PCP4: variants seen among roughly 807,000 people sequenced by gnomAD.
PCP4 encodes the protein calmodulin regulator protein PCP4.
In PCP4, 8 loss-of-function variants were observed where a neutral mutation model predicts 10.0. The observed-to-expected ratio is 0.80, with a 90% CI of 0.47 to 1.45. PCP4 has a LOEUF of 1.45. Ranked by LOEUF, PCP4 falls within the 40% of genes most tolerant of loss-of-function variation. PCP4 has a pLI of 0.00. For missense variants in PCP4, 54 were observed against 74.4 expected, an observed-to-expected ratio of 0.73 and a Z score of 1.01; for synonymous variants, 21 against 23.0, an observed-to-expected ratio of 0.91 and a Z score of 0.24.
At position 39,867,474 on chromosome 21, in the gene PCP4, G is replaced by A; in HGVS notation, c.-28G>A. 6.2e-7 allele frequency: 1 copy of A among 1,613,954 alleles called. No homozygotes were observed. Among genetic ancestry groups the A allele is most frequent in the Non-Finnish European group, 8.5e-7 (1 of 1,179,830 alleles). On this transcript the variant is annotated 5_prime_UTR_variant, in exon 1 of 3. Transcript: ENST00000328619. ...AGCAGTGTTCTCTGTGCTGAGCGGC[G>A]GGACTGAGCTGTTGAGTTAGAGCCA...
intron 1 of PCP4, among the ~76,000 whole-genome samples, chr21:39,881,327 A>G (rs2087374568): frequency 1.3e-5 from 2 of 152,210 alleles, no homozygotes; most frequent in African/African-American, 4.8e-5. Flanking sequence ...CATGTTTGGC[A>G]GCACACAGGG....
rs144328610 is a variant in PCP4 at position 39,881,738 on chromosome 21, C to T, written c.9+14228C>T. 1.3e-3 allele frequency among the ~76,000 whole-genome samples: 191 copies of T among 152,246 alleles called. 2 individuals are homozygous for T. Among genetic ancestry groups the T allele is most frequent in the African/African-American group, 4.1e-3 (171 of 41,542 alleles). On this transcript the variant is annotated intron_variant, in intron 1 of 2. Coordinates refer to ENST00000328619, the MANE Select transcript of PCP4 (RefSeq NM_006198.3). ...TAAGAGAGGGCAGGAAACGTGATTC[C>T]GACTCTGCACCCAGATGGACTGAGG...
intron 2 of PCP4, among the ~76,000 whole-genome samples, chr21:39,909,667 C>T (rs916096180): frequency 3.9e-5 from 6 of 152,086 alleles, no homozygotes; most frequent in Non-Finnish European, 7.4e-5. Flanking sequence ...AAGTCAGCGA[C>T]GTGGCCTCCA....
chr21:39,911,161 AG>A (rs1324765452), intron 2 of PCP4, among the ~76,000 whole-genome samples: 1 of 152,026 alleles, frequency 6.6e-6, no homozygotes, highest in Admixed American at 6.6e-5. Flanking sequence ...GAGGCAGTGG[AG>A]GGGAAAGTAA....
At chr21:39,912,585 A>G (rs995291131) in intron 2 of PCP4, among the ~76,000 whole-genome samples, 2 of 152,132 alleles carry the variant, frequency 1.3e-5, no homozygotes, top group Non-Finnish European at 2.9e-5. Flanking sequence ...CTAGGTGTTC[A>G]TCTACCTGAA....
intron 2 of PCP4, among the ~76,000 whole-genome samples, chr21:39,899,717 C>A (rs1233578764): frequency 6.6e-6 from 1 of 152,078 alleles, no homozygotes; most frequent in Non-Finnish European, 1.5e-5. Flanking sequence ...AATGGCTCTT[C>A]CTTTGCTGCC....
intron 2 of PCP4, among the ~76,000 whole-genome samples, chr21:39,917,683 C>T (rs1010027594): frequency 2.0e-5 from 3 of 152,136 alleles, no homozygotes; most frequent in Admixed American, 6.5e-5. Flanking sequence ...TTCAAGCTGT[C>T]CTTAGTCAAG....
intron 1 of PCP4, among the ~76,000 whole-genome samples, chr21:39,867,846 G>A (rs762333953): frequency 6.6e-6 from 1 of 152,130 alleles, no homozygotes; most frequent in African/African-American, 2.4e-5. Flanking sequence ...CATGATTCCC[G>A]CGGTGATACC....
rs111710535 is a variant in PCP4 at position 39,888,429 on chromosome 21, G to T, written c.10-10047G>T. Among the ~76,000 whole-genome samples, 50 of 152,310 alleles carry T rather than the reference G, an allele frequency of 3.3e-4. 1 individual carries two copies. In the East Asian group the frequency reaches 3.9e-3, roughly 12 times the overall value. ...AAACGCTGTCACTGATGGATAAGTG[G>T]GGGGAGCGTGGCTGCTGGGTCCAGG... On this transcript the variant is annotated intron_variant, in intron 1 of 2. Transcript: ENST00000328619.
At chr21:39,895,511 G>C (rs1352482322) in intron 1 of PCP4, among the ~76,000 whole-genome samples, 1 of 152,236 alleles carries the variant, frequency 6.6e-6, no homozygotes, top group Non-Finnish European at 1.5e-5. Context: ...AGTACTGAGA[G>C]ATGCTTAAGT....
At chr21:39,922,629 G>GACC (rs2087601712) in intron 2 of PCP4, among the ~76,000 whole-genome samples, 1 of 152,174 alleles carries the variant, frequency 6.6e-6, no homozygotes, top group African/African-American at 2.4e-5. Flanking sequence ...CATTGGCAGA[G>GACC]CTCTGTGTCA....
chr21:39,911,274 A>T (rs1354813054), intron 2 of PCP4, among the ~76,000 whole-genome samples: 9 of 152,172 alleles, frequency 5.9e-5, no homozygotes, highest in Admixed American at 5.9e-4. Context: ...AAAATGGGTG[A>T]AAATGGGAAA....
chr21:39,919,826 TTG>T (rs910584266), intron 2 of PCP4, among the ~76,000 whole-genome samples: 1 of 150,014 alleles, frequency 6.7e-6, no homozygotes, highest in Non-Finnish European at 1.5e-5. Context: ...TGTGGTATGT[TTG>T]TGTGTTTTGT....
intron 2 of PCP4, among the ~76,000 whole-genome samples, chr21:39,928,635 A>C (rs2087636147): frequency 6.6e-6 from 1 of 152,202 alleles, no homozygotes; most frequent in Non-Finnish European, 1.5e-5. Context: ...ATATCTTAGC[A>C]ATATTAAATG....
At chr21:39,888,540 AGTGATAC>A (rs1258137896) in intron 1 of PCP4, among the ~76,000 whole-genome samples, 1 of 152,200 alleles carries the variant, frequency 6.6e-6, no homozygotes, top group African/African-American at 2.4e-5. Flanking sequence ...GAATTTCTCC[AGTGATAC>A]GCAGCTGGTG....
chr21:39,918,910 T>G (rs2087581643), intron 2 of PCP4, among the ~76,000 whole-genome samples: 1 of 152,196 alleles, frequency 6.6e-6, no homozygotes, highest in East Asian at 1.9e-4. Context: ...TTAAAGAGCT[T>G]ATTGTCTTTT....
At chr21:39,884,815 A>AGAGG (rs979875958) in intron 1 of PCP4, among the ~76,000 whole-genome samples, 1 of 151,418 alleles carries the variant, frequency 6.6e-6, no homozygotes, top group Non-Finnish European at 1.5e-5. Context: ...AGAGAGAGAG[A>AGAGG]GAGAGAGACA....
chr21:39,912,229 G>T (rs1048814923), intron 2 of PCP4, among the ~76,000 whole-genome samples: 4 of 151,710 alleles, frequency 2.6e-5, no homozygotes, highest in Middle Eastern at 3.2e-3. Flanking sequence ...TAAATTTTTG[G>T]TTTAGACAGA....
intron 2 of PCP4, among the ~76,000 whole-genome samples, chr21:39,924,873 G>C (rs1381182811): frequency 2.0e-5 from 3 of 152,222 alleles, no homozygotes; most frequent in Non-Finnish European, 4.4e-5. Flanking sequence ...ATTGGTGGCA[G>C]GCTCTGTTCT....
Sources: gnomAD v4.1 joint callset for allele counts (sites outside exome capture counted in the v4.1 genomes callset) on GRCh38, gnomAD v4.1.1 for gene constraint, MANE v1.5 for transcripts, NCBI Gene and HGNC (gene_info 2026-07-23, HGNC 2026-07-21) for gene names.